The following ABCB1 variants were observed in gnomAD, a reference collection of about 807,000 sequenced individuals.
ABCB1 encodes the protein ATP binding cassette subfamily B member 1.
ABCB1 carries 69 observed loss-of-function variants against 142.0 expected under a neutral mutation model. The ratio of observed to expected loss-of-function variants is 0.49; its 90% CI spans 0.40 to 0.59. The LOEUF (loss-of-function observed/expected upper bound fraction) is 0.59. Ranked by LOEUF, ABCB1 falls within the 20% of genes least tolerant of loss-of-function variation. The pLI is 0.00. For missense variants in ABCB1, 1,326 were observed against 1,554.7 expected (o/e 0.85, Z 2.47); for synonymous variants, 532 against 539.2 (o/e 0.99, Z 0.18).
chr7:87,514,207 G>A (rs1481197614), intron 25 of ABCB1, among the ~76,000 whole-genome samples: 2 of 152,176 alleles, frequency 1.3e-5, no homozygotes, highest in Admixed American at 6.5e-5. Context: ...TACACAGCGG[G>A]TGGGCATCCA....
rs1470273650 is a variant in ABCB1 at position 87,509,457 on chromosome 7, G to A, written c.3307C>T (p.Arg1103Ter). ...KVLLDGKEIK[R>*]LNVQWLRAHL... ...GCTCGGAGCCACTGAACATTCAGTC[G>A]CTTTATTTCTTTGCCATCAAGCAGC... The change falls in exon 26 of 28, where the codon CGA (arginine) becomes TGA (stop). Residue 1103 changes from arginine (R) to a stop codon, truncating the protein, a stop_gained. Coordinates refer to ENST00000622132, the MANE Select transcript of ABCB1 (RefSeq NM_001348946.2). LOFTEE classifies it high-confidence loss of function. 5.0e-6 allele frequency: 8 copies of A among 1,613,994 alleles called. No homozygotes were observed. Among genetic ancestry groups the A allele is most frequent in the Middle Eastern group, 3.3e-4 (2 of 6,060 alleles).
At chr7:87,694,418 A>T (rs11983274) in intron 1 of ABCB1, among the ~76,000 whole-genome samples, 1 of 152,168 alleles carries the variant, frequency 6.6e-6, no homozygotes, top group African/African-American at 2.4e-5. Context: ...AGTTTCTGCT[A>T]TATGCAAAAC....
intron 1 of ABCB1, among the ~76,000 whole-genome samples, chr7:87,655,842 C>T (rs993079630): frequency 6.6e-6 from 1 of 152,074 alleles, no homozygotes; most frequent in Admixed American, 6.6e-5. Flanking sequence ...GTTCTTAGCT[C>T]ATAAGGGCAG....
At chr7:87,625,740 CTCTT>C (rs1252019824) in intron 1 of ABCB1, among the ~76,000 whole-genome samples, 1 of 152,076 alleles carries the variant, frequency 6.6e-6, no homozygotes, top group Non-Finnish European at 1.5e-5. Context: ...GAAAAGAAGA[CTCTT>C]TATAAGCCTC....
Position 87,548,035 on chromosome 7 carries a change from T to A in ABCB1, c.1725+1313A>T, listed in dbSNP as rs147129891. Among the ~76,000 whole-genome samples the A allele has an allele frequency of 5.6e-3, 738 of 131,646 alleles. 4 individuals are homozygous for A. The highest frequency in any genetic ancestry group is 0.02 in the African/African-American group (702 of 35,018). 86.4% of individuals were successfully genotyped at this position (131,646 alleles called of 152,430 possible). On this transcript the variant is annotated intron_variant, in intron 14 of 27. Transcript: ENST00000622132. ...AGAAACAAGAAAAGAAAAGATAAGA[T>A]AAGATAAGAAAAGAAAAGACAGGAG... is the stretch of plus-strand genomic sequence containing the variant.
chr7:87,554,819 T>C (rs1268192730), intron 8 of ABCB1, among the ~76,000 whole-genome samples: 1 of 152,088 alleles, frequency 6.6e-6, no homozygotes, highest in Non-Finnish European at 1.5e-5. Context: ...CTGAACCCAT[T>C]CATAGCACAA....
chr7:87,529,880 A>G (rs1264879315), intron 21 of ABCB1, among the ~76,000 whole-genome samples: 3 of 152,206 alleles, frequency 2.0e-5, no homozygotes, highest in Non-Finnish European at 4.4e-5. Flanking sequence ...GCCAGACCAC[A>G]ATAGAACCCT....
chr7:87,536,133 A>T (rs113764224), intron 20 of ABCB1, among the ~76,000 whole-genome samples: 8 of 152,188 alleles, frequency 5.3e-5, no homozygotes, highest in Non-Finnish European at 1.2e-4. Flanking sequence ...AATTAAATAC[A>T]TCCTTTCTTC....
chr7:87,556,753 G>A (rs1254563385), intron 8 of ABCB1, among the ~76,000 whole-genome samples: 1 of 151,986 alleles, frequency 6.6e-6, no homozygotes, highest in African/African-American at 2.4e-5. Context: ...AAAACATAAC[G>A]TGGATAGTCA....
At chr7:87,521,012 A>C (rs1193723238) in intron 21 of ABCB1, 136 bp from the exon 22 acceptor site, 5 of 707,290 alleles carry the variant, frequency 7.1e-6, no homozygotes, top group Non-Finnish European at 1.2e-5. Flanking sequence ...TTCTCTGTAG[A>C]AAAAGATACT....
intron 14 of ABCB1, 65 bp from the exon 15 acceptor site, chr7:87,546,089 A>T: frequency 2.4e-5 from 36 of 1,514,918 alleles, no homozygotes; most frequent in Non-Finnish European, 2.9e-5. Flanking sequence ...TAACCATTCA[A>T]CATATATTTA....
intron 25 of ABCB1, among the ~76,000 whole-genome samples, chr7:87,513,881 A>G (rs967223287): frequency 6.6e-6 from 1 of 152,204 alleles, no homozygotes; most frequent in Non-Finnish European, 1.5e-5. Context: ...GGCCATAATC[A>G]GTGTCTGAGA....
chr7:87,555,567 C>T (rs1048069122), intron 8 of ABCB1, among the ~76,000 whole-genome samples: 2 of 152,138 alleles, frequency 1.3e-5, no homozygotes, highest in Admixed American at 6.5e-5. Flanking sequence ...ACATCACTAC[C>T]GTGTTCACTA....
chr7:87,537,353 C>A (rs1816344299), intron 19 of ABCB1, among the ~76,000 whole-genome samples: 1 of 152,116 alleles, frequency 6.6e-6, no homozygotes, highest in African/African-American at 2.4e-5. Flanking sequence ...CAGGTTTGGG[C>A]AGTGGGATAT....
chr7:87,564,658 A>G (rs985813705), intron 7 of ABCB1, among the ~76,000 whole-genome samples: 15 of 152,202 alleles, frequency 9.9e-5, no homozygotes, highest in Admixed American at 6.5e-4. Flanking sequence ...CTTTTTTGAT[A>G]TGATTGACAT....
intron 17 of ABCB1, among the ~76,000 whole-genome samples, chr7:87,543,850 G>T (rs183504961): frequency 9.2e-5 from 14 of 152,308 alleles, no homozygotes; most frequent in South Asian, 2.1e-4. Flanking sequence ...ATGTTGGCAG[G>T]TATGAGAAAG....
chr7:87,576,935 T>A (rs1818294818), intron 4 of ABCB1, among the ~76,000 whole-genome samples: 1 of 152,132 alleles, frequency 6.6e-6, no homozygotes, highest in East Asian at 1.9e-4. Context: ...ACCCTTTTAG[T>A]TATTTTTAAA....
intron 25 of ABCB1, among the ~76,000 whole-genome samples, chr7:87,511,381 A>G (rs1814999680): frequency 6.6e-6 from 1 of 152,246 alleles, no homozygotes; most frequent in Non-Finnish European, 1.5e-5. Context: ...ATGAAAGGCC[A>G]GATTAAAATG....
At chr7:87,530,975 G>A (rs1232976974) in intron 21 of ABCB1, among the ~76,000 whole-genome samples, 13 of 151,852 alleles carry the variant, frequency 8.6e-5, no homozygotes, top group Admixed American at 8.5e-4. Context: ...GGAGTGGAGA[G>A]AGAGTGAAAG....
Sources: gnomAD v4.1 joint callset for allele counts (sites outside exome capture counted in the v4.1 genomes callset) on GRCh38, gnomAD v4.1.1 for gene constraint, MANE v1.5 for transcripts, NCBI Gene and HGNC (gene_info 2026-07-23, HGNC 2026-07-21) for gene names.